Variants in KATNAL1 observed in about 807,000 individuals in gnomAD.
KATNAL1 encodes the protein katanin catalytic subunit A1 like 1.
In KATNAL1, 32 loss-of-function variants were observed where a neutral mutation model predicts 55.2. That is an observed-to-expected ratio of 0.58 (90% CI 0.44 to 0.78). KATNAL1 has a LOEUF of 0.78. Ranked by LOEUF, KATNAL1 falls within the 30% of genes least tolerant of loss-of-function variation. The probability of loss-of-function intolerance (pLI) is 0.00; values close to 1 mark genes in which losing one functional copy is unlikely to be tolerated. For missense variants in KATNAL1, 466 were observed against 600.9 expected (o/e 0.78, Z 2.35); for synonymous variants, 193 against 193.6 (o/e 1.00, Z 0.02).
intron 3 of KATNAL1, among the ~76,000 whole-genome samples, chr13:30,274,899 GCGCGCGCGCACA>G (rs745729997): frequency 0.011 from 1,262 of 112,244 alleles, 6 homozygotes; most frequent in South Asian, 0.023. Context: ...ATACGCGCGC[GCGCGCGCGCACA>G]CACACACACA....
chr13:30,220,781 C>A (rs1003336911), intron 9 of KATNAL1, among the ~76,000 whole-genome samples: 1 of 151,136 alleles, frequency 6.6e-6, no homozygotes, highest in Non-Finnish European at 1.5e-5. Context: ...TGACTGCAAC[C>A]TCCACCTCGT....
In KATNAL1 at chr13:30,205,925, A is replaced by AGTGTGTGTGTGTGT. The variant is rs140880148; in HGVS notation, c.*2601_*2614dup. 2 of 124,670 alleles carry AGTGTGTGTGTGTGT rather than the reference A, an allele frequency of 1.6e-5. No homozygotes were observed. The highest frequency in any genetic ancestry group is 8.3e-5 in the Admixed American group (1 of 12,114). 7.7% of individuals were successfully genotyped at this position (124,670 alleles called of 1,614,324 possible). A position where few individuals can be genotyped will look rare whatever the true frequency, so the allele number is the denominator to read the frequency against. On this transcript the variant is annotated 3_prime_UTR_variant, in exon 11 of 11. Transcript: ENST00000380615. ...AAGGCAACACACTGTCTTCTGAAAT[A>AGTGTGTGTGTGTGT]GTGTGTGTGTGTGTGTGTGTGTGTG...
intron 1 of KATNAL1, among the ~76,000 whole-genome samples, chr13:30,292,554 G>A (rs887002840): frequency 2.0e-5 from 3 of 152,210 alleles, no homozygotes; most frequent in Middle Eastern, 3.4e-3. Flanking sequence ...TATCTTCCAA[G>A]GCTGTAAGCA....
intron 4 of KATNAL1, among the ~76,000 whole-genome samples, chr13:30,248,456 T>C (rs1036340657): frequency 2.0e-5 from 3 of 150,806 alleles, no homozygotes; most frequent in Non-Finnish European, 4.4e-5. Context: ...ACAAAATTTG[T>C]GGAGCAACTT....
chr13:30,247,206 C>G (rs780068694), intron 4 of KATNAL1, among the ~76,000 whole-genome samples: 1 of 152,146 alleles, frequency 6.6e-6, no homozygotes, highest in Non-Finnish European at 1.5e-5. Context: ...CCCTGGGCTA[C>G]TCTTACCCCA....
rs1216736877 is a variant in KATNAL1, at chr13:30,204,750, T to C, written c.*3790A>G. The C allele has an allele frequency of 1.3e-5, 2 of 152,212 alleles. No individual in the cohort carries two copies. Among genetic ancestry groups the C allele is most frequent in the Non-Finnish European group, 2.9e-5 (2 of 68,040 alleles). 9.4% of individuals were successfully genotyped at this position (152,212 alleles called of 1,614,324 possible). Reference sequence around the variant, plus strand: ...GTAATTCGTGCTTTCAGCCTATGTTTTGAGAGTGAAATATGACATCACAAT... The same window carrying C: ...GTAATTCGTGCTTTCAGCCTATGTTCTGAGAGTGAAATATGACATCACAAT... On this transcript the variant is annotated 3_prime_UTR_variant, in exon 11 of 11. Transcript: ENST00000380615.
At chr13:30,301,228 G>A (rs1007243090) in intron 1 of KATNAL1, among the ~76,000 whole-genome samples, 2 of 152,140 alleles carry the variant, frequency 1.3e-5, no homozygotes, top group Admixed American at 1.3e-4. Flanking sequence ...AAATTAGCGG[G>A]GCGTGGTAGC....
chr13:30,256,403 G>A (rs1032061267), intron 3 of KATNAL1, among the ~76,000 whole-genome samples: 8 of 152,122 alleles, frequency 5.3e-5, no homozygotes, highest in African/African-American at 1.4e-4. Context: ...CTATCACTTC[G>A]TGTCTAATCT....
chr13:30,227,264 G>C (rs770406302), intron 9 of KATNAL1, 148 bp downstream of exon 9: 2 of 580,108 alleles, frequency 3.4e-6, no homozygotes, highest in Non-Finnish European at 5.8e-6. Context: ...TTTCAATAGA[G>C]TACTGTGGCC....
At chr13:30,293,441 G>A (rs1882274308) in intron 1 of KATNAL1, among the ~76,000 whole-genome samples, 1 of 152,026 alleles carries the variant, frequency 6.6e-6, no homozygotes, top group South Asian at 2.1e-4. Flanking sequence ...CTCCCCAGAA[G>A]GATCCTTCAT....
intron 4 of KATNAL1, among the ~76,000 whole-genome samples, chr13:30,245,338 C>A (rs767798583): frequency 6.6e-6 from 1 of 151,978 alleles, no homozygotes; most frequent in African/African-American, 2.4e-5. Flanking sequence ...AAAAGGCCTT[C>A]GATAAAATTC....
intron 9 of KATNAL1, chr13:30,210,685 T>G (rs1200724968): frequency 7.0e-6 from 2 of 285,008 alleles, no homozygotes; most frequent in African/African-American, 4.5e-5. Context: ...AAAAACCACC[T>G]AGGTTTTCTT....
At chr13:30,235,566 A>G (rs780086054) in intron 6 of KATNAL1, among the ~76,000 whole-genome samples, 6 of 152,216 alleles carry the variant, frequency 3.9e-5, no homozygotes, top group Non-Finnish European at 7.3e-5. Flanking sequence ...TATCCAAACT[A>G]TAACAGTACT....
At chr13:30,239,738 T>C (rs1377967525) in intron 6 of KATNAL1, among the ~76,000 whole-genome samples, 1 of 143,948 alleles carries the variant, frequency 6.9e-6, no homozygotes, top group South Asian at 2.3e-4. Context: ...CAGGCTGGAG[T>C]GCAGTTGCGC....
At chr13:30,273,974 C>T (rs911686438) in intron 3 of KATNAL1, among the ~76,000 whole-genome samples, 3 of 152,164 alleles carry the variant, frequency 2.0e-5, no homozygotes, top group Non-Finnish European at 4.4e-5. Flanking sequence ...TCTACAAAAT[C>T]GTAAGCCTAA....
At chr13:30,266,512 A>T (rs1437901387) in intron 3 of KATNAL1, among the ~76,000 whole-genome samples, 1 of 152,230 alleles carries the variant, frequency 6.6e-6, no homozygotes, top group South Asian at 2.1e-4. Context: ...TTCTCCTAAG[A>T]GTTCCAATAA....
intron 4 of KATNAL1, among the ~76,000 whole-genome samples, chr13:30,247,012 C>T (rs544591350): frequency 6.6e-6 from 1 of 152,178 alleles, no homozygotes; most frequent in Non-Finnish European, 1.5e-5. Context: ...TATATATTAA[C>T]TCTCTTATTA....
intron 4 of KATNAL1, among the ~76,000 whole-genome samples, chr13:30,244,065 T>C (rs1416264207): frequency 6.6e-6 from 1 of 152,140 alleles, no homozygotes; most frequent in Non-Finnish European, 1.5e-5. Flanking sequence ...TTTCTCCTCA[T>C]GTTATCCTTC....
chr13:30,232,581 A>G (rs958381009), intron 6 of KATNAL1, among the ~76,000 whole-genome samples: 15 of 152,180 alleles, frequency 9.9e-5, no homozygotes, highest in African/African-American at 3.6e-4. Context: ...GCATAACCAG[A>G]GCAAAGTTCT....
Sources: allele counts gnomAD v4.1 joint callset (sites outside exome capture counted in the v4.1 genomes callset), GRCh38; gene constraint gnomAD v4.1.1; transcripts MANE v1.5; gene names NCBI Gene and HGNC (gene_info 2026-07-23, HGNC 2026-07-21).